Variants in DLG2 observed in about 807,000 individuals in gnomAD.
DLG2 encodes the protein disks large homolog 2.
A neutral mutation model predicts 132.5 loss-of-function variants in DLG2; 45 were observed. The observed-to-expected ratio is 0.34, with a 90% CI of 0.27 to 0.44. DLG2 has a LOEUF of 0.44. Ranked by LOEUF, DLG2 falls within the 20% of genes least tolerant of loss-of-function variation. DLG2 has a pLI of 1.00. For missense variants in DLG2, 1,045 were observed against 1,196.9 expected (o/e 0.87, Z 1.87); for synonymous variants, 424 against 419.6 (o/e 1.01, Z -0.13).
At position 83,792,740 on chromosome 11, in the gene DLG2, G is replaced by A. The variant is rs184712547; in HGVS notation, c.1723-5948C>T. On this transcript the variant is annotated intron_variant, in intron 17 of 27. Transcript: ENST00000376104. ...ATGAAAAACAATTTGTTTTACCAGT[G>A]CATGGCTGATAGACAGCTAGGTAGC... Among the ~76,000 whole-genome samples, 658 of 152,208 alleles carry A rather than the reference G, an allele frequency of 4.3e-3. 2 individuals are homozygous for A. The highest frequency in any genetic ancestry group is 6.3e-3 in the Non-Finnish European group (428 of 67,972).
At chr11:85,227,699 C>A (rs1218442325) in intron 4 of DLG2, among the ~76,000 whole-genome samples, 1 of 152,072 alleles carries the variant, frequency 6.6e-6, no homozygotes, top group Non-Finnish European at 1.5e-5. Context: ...AAAACCCCCT[C>A]CAATGGCTTC....
intron 6 of DLG2, among the ~76,000 whole-genome samples, chr11:84,619,892 A>G (rs1202530040): frequency 6.6e-6 from 1 of 151,748 alleles, no homozygotes; most frequent in Non-Finnish European, 1.5e-5. Context: ...AAATTAACTT[A>G]TAGGTTCAAA....
At chr11:85,188,089 G>A (rs2080256501) in intron 4 of DLG2, among the ~76,000 whole-genome samples, 1 of 152,130 alleles carries the variant, frequency 6.6e-6, no homozygotes, top group African/African-American at 2.4e-5. Context: ...GAGGAGACAT[G>A]GGAATAGAGG....
rs768420271 is a variant in DLG2, at chr11:84,420,650, C to CT, written c.519+113919dup. 3.5e-3 allele frequency among the ~76,000 whole-genome samples: 149 copies of CT among 42,230 alleles called. 53 individuals carry two copies. The highest frequency in any genetic ancestry group is 8.9e-3 in the African/African-American group (126 of 14,136). The allele number at this position is 42,230 out of a possible 152,430, so 27.7% of individuals were successfully genotyped here. A position where few individuals can be genotyped will look rare whatever the true frequency, so the allele number is the denominator to read the frequency against. Reference sequence around the variant, plus strand: ...CAGCACAGTGACCAATGCTTGTTTTCTTTTTTTTTTTTTTTTTTTTTTTTT... The same window carrying CT: ...CAGCACAGTGACCAATGCTTGTTTTCTTTTTTTTTTTTTTTTTTTTTTTTTT... On this transcript the variant is annotated intron_variant, in intron 7 of 27. Coordinates refer to ENST00000376104, the MANE Select transcript of DLG2 (RefSeq NM_001142699.3).
chr11:84,794,592 G>T (rs1465305343), intron 6 of DLG2, among the ~76,000 whole-genome samples: 6 of 152,214 alleles, frequency 3.9e-5, no homozygotes, highest in Non-Finnish European at 8.8e-5. Flanking sequence ...CCCAGGGGTG[G>T]TTATGGGCCC....
At position 85,313,027 on chromosome 11, in the gene DLG2, T is replaced by C. The variant is rs567613105; in HGVS notation, c.41-27662A>G. ...TCCCTTGCATTTGGCTGTGGCTATA[T>C]AACTGAATTATGGCTTTTGAGACGA... On this transcript the variant is annotated intron_variant, in intron 3 of 27. Coordinates refer to ENST00000376104, the MANE Select transcript of DLG2 (RefSeq NM_001142699.3). Among the ~76,000 whole-genome samples, 8 of 152,126 alleles carry C rather than the reference T, an allele frequency of 5.3e-5. No homozygotes were observed. The South Asian group carries it at 1.2e-3, about 24-fold the overall frequency.
intron 10 of DLG2, among the ~76,000 whole-genome samples, chr11:84,066,548 T>C (rs1033381983): frequency 1.3e-5 from 2 of 152,134 alleles, no homozygotes; most frequent in Non-Finnish European, 2.9e-5. Context: ...TCACCTGAGG[T>C]CAGGAGTTCG....
At chr11:84,066,421 A>G (rs2096673307) in intron 10 of DLG2, among the ~76,000 whole-genome samples, 1 of 152,110 alleles carries the variant, frequency 6.6e-6, no homozygotes, top group Non-Finnish European at 1.5e-5. Flanking sequence ...ACTTAACTCA[A>G]CCACACCTAA....
chr11:85,173,225 A>G (rs1028384977), intron 4 of DLG2, among the ~76,000 whole-genome samples: 3 of 152,214 alleles, frequency 2.0e-5, no homozygotes, highest in Non-Finnish European at 4.4e-5. Context: ...AGCCAGAGAG[A>G]AAGGCCAGGT....
At chr11:85,355,951 C>T (rs1156590944) in intron 3 of DLG2, among the ~76,000 whole-genome samples, 1 of 152,170 alleles carries the variant, frequency 6.6e-6, no homozygotes. Context: ...CTTTGAGAAG[C>T]TGGGCTGTGA....
chr11:84,062,945 C>G (rs997865431), intron 10 of DLG2, among the ~76,000 whole-genome samples: 2 of 152,050 alleles, frequency 1.3e-5, no homozygotes, highest in Non-Finnish European at 2.9e-5. Flanking sequence ...AGTAAAGCCA[C>G]CAACTGTATT....
At chr11:84,264,920 C>T (rs927169369) in intron 7 of DLG2, among the ~76,000 whole-genome samples, 3 of 152,104 alleles carry the variant, frequency 2.0e-5, no homozygotes, top group Non-Finnish European at 4.4e-5. Flanking sequence ...AGTCACTTAA[C>T]TCTCTGAATT....
intron 6 of DLG2, among the ~76,000 whole-genome samples, chr11:85,087,576 C>T (rs1293573218): frequency 1.3e-5 from 2 of 152,124 alleles, no homozygotes; most frequent in East Asian, 3.9e-4. Context: ...CGGTGGCTCA[C>T]GCCTGTAATC....
chr11:85,011,769 CTT>C (rs974709908), intron 6 of DLG2, among the ~76,000 whole-genome samples: 7 of 152,120 alleles, frequency 4.6e-5, no homozygotes, highest in Admixed American at 1.3e-4. Flanking sequence ...ATTCCAGTCT[CTT>C]ATAAGACTCC....
At chr11:85,413,978 T>C (rs1444108524) in intron 3 of DLG2, among the ~76,000 whole-genome samples, 4 of 152,092 alleles carry the variant, frequency 2.6e-5, no homozygotes, top group Admixed American at 2.6e-4. Flanking sequence ...AATTTGTAGA[T>C]TGCTTTTGGC....
intron 7 of DLG2, among the ~76,000 whole-genome samples, chr11:84,328,730 T>C (rs1371513943): frequency 3.9e-5 from 6 of 152,222 alleles, no homozygotes. Context: ...AGGCAGGGTA[T>C]GGACTAATAT....
At chr11:84,231,370 T>C (rs915000978) in intron 8 of DLG2, among the ~76,000 whole-genome samples, 2 of 152,236 alleles carry the variant, frequency 1.3e-5, no homozygotes, top group African/African-American at 4.8e-5. Flanking sequence ...TTTTTCTCAC[T>C]GATTTTGTCA....
chr11:84,554,161 T>A (rs976696146), intron 6 of DLG2, among the ~76,000 whole-genome samples: 1 of 152,216 alleles, frequency 6.6e-6, no homozygotes, highest in Non-Finnish European at 1.5e-5. Flanking sequence ...GTGTTTTATT[T>A]TCTTCTTCAT....
At chr11:84,380,488 G>A (rs1231643554) in intron 7 of DLG2, among the ~76,000 whole-genome samples, 3 of 151,916 alleles carry the variant, frequency 2.0e-5, no homozygotes, top group African/African-American at 7.2e-5. Flanking sequence ...AATTTTAAAA[G>A]TCCATTTCTA....
Sources: allele counts gnomAD v4.1 joint callset (sites outside exome capture counted in the v4.1 genomes callset), GRCh38; gene constraint gnomAD v4.1.1; transcripts MANE v1.5; gene names NCBI Gene and HGNC (gene_info 2026-07-23, HGNC 2026-07-21).